Variants in DECR1 observed in about 807,000 individuals in gnomAD.
DECR1 encodes 2,4-dienoyl-CoA reductase 1, also known as 2,4-dienoyl-CoA reductase [(3E)-enoyl-CoA-producing], mitochondrial.
Under a neutral mutation model 38.8 loss-of-function variants are expected in DECR1, and 44 were observed. That is an observed-to-expected ratio of 1.13 (90% CI 0.89 to 1.46). The LOEUF (loss-of-function observed/expected upper bound fraction) is 1.46. Ranked by LOEUF, DECR1 falls within the 40% of genes most tolerant of loss-of-function variation. The pLI, the probability that DECR1 is intolerant of heterozygous loss-of-function variation, is 0.00. For synonymous variants in DECR1, 148 were observed against 135.2 expected, an observed-to-expected ratio of 1.09 and a Z score of -0.66; for missense variants, 428 against 405.5, an observed-to-expected ratio of 1.06 and a Z score of -0.48.
At chr8:90,041,490 C>G (rs533530600) in intron 6 of DECR1, among the ~76,000 whole-genome samples, 114 of 152,244 alleles carry the variant, frequency 7.5e-4, no homozygotes, top group Non-Finnish European at 1.2e-3. Context: ...TTAATTAGAT[C>G]CCATTTGTCA....
intron 8 of DECR1, among the ~76,000 whole-genome samples, chr8:90,048,667 T>G (rs924660167): frequency 1.3e-5 from 2 of 152,140 alleles, no homozygotes; most frequent in African/African-American, 4.8e-5. Flanking sequence ...AAAGAGGTAA[T>G]CCTCCCTGAC....
intron 5 of DECR1, among the ~76,000 whole-genome samples, chr8:90,031,650 C>T (rs1275085203): frequency 6.6e-6 from 1 of 151,980 alleles, no homozygotes; most frequent in Non-Finnish European, 1.5e-5. Flanking sequence ...AAAAATGGCT[C>T]GGAGACAGGT....
At chr8:90,027,720 T>G (rs1813387153) in intron 5 of DECR1, among the ~76,000 whole-genome samples, 1 of 152,114 alleles carries the variant, frequency 6.6e-6, no homozygotes, top group Non-Finnish European at 1.5e-5. Flanking sequence ...CCATTTACAT[T>G]TAAGATTTAT....
At chr8:90,027,712 AT>A (rs1813386546) in intron 5 of DECR1, among the ~76,000 whole-genome samples, 1 of 151,738 alleles carries the variant, frequency 6.6e-6, no homozygotes, top group Non-Finnish European at 1.5e-5. Context: ...CATTTAGCCC[AT>A]TTACATTTAA....
chr8:90,024,080 G>A (rs1265385765), intron 5 of DECR1, among the ~76,000 whole-genome samples: 1 of 152,172 alleles, frequency 6.6e-6, no homozygotes, highest in Non-Finnish European at 1.5e-5. Context: ...GTATTCCATG[G>A]TGTATATGTG....
intron 7 of DECR1, among the ~76,000 whole-genome samples, chr8:90,043,708 C>G (rs1430048657): frequency 6.6e-6 from 1 of 152,164 alleles, no homozygotes; most frequent in Non-Finnish European, 1.5e-5. Context: ...ACAAAAACTT[C>G]CTGAGTGATT....
At chr8:90,003,956 G>T (rs1211071393) in intron 1 of DECR1, among the ~76,000 whole-genome samples, 2 of 151,740 alleles carry the variant, frequency 1.3e-5, no homozygotes, top group Admixed American at 6.6e-5. Flanking sequence ...ACAAAAAAAT[G>T]GAATAGAATA....
chr8:90,012,806 T>G (rs1812919051), intron 1 of DECR1, among the ~76,000 whole-genome samples: 1 of 152,234 alleles, frequency 6.6e-6, no homozygotes, highest in Non-Finnish European at 1.5e-5. Context: ...ATTTGCCTGT[T>G]TTTAATAGGG....
At chr8:90,031,972 A>T (rs1586155923) in intron 5 of DECR1, among the ~76,000 whole-genome samples, 1 of 152,162 alleles carries the variant, frequency 6.6e-6, no homozygotes, top group East Asian at 1.9e-4. Context: ...CTAGTCCCCC[A>T]TTGTGGGGAC....
intron 1 of DECR1, chr8:90,005,437 G>T (rs751933451): frequency 4.4e-6 from 2 of 456,034 alleles, no homozygotes; most frequent in Non-Finnish European, 8.8e-6. Flanking sequence ...AATAGCATCC[G>T]TTTTTTCCAG....
At position 90,027,327 on chromosome 8, in the gene DECR1, A is replaced by C. The variant is rs146702960; in HGVS notation, c.565+6271A>C. 6.7e-4 allele frequency among the ~76,000 whole-genome samples: 102 copies of C among 152,186 alleles called. 1 individual carries two copies. Among genetic ancestry groups the C allele is most frequent in the African/African-American group, 2.2e-3 (93 of 41,534 alleles). On this transcript the variant is annotated intron_variant, in intron 5 of 9. Transcript: ENST00000220764. ...GTCTAATGTTGACAGTGGGTTGTTA[A>C]AGTCTCCCATTATTATTGTGTGGGC...
At chr8:90,013,749 T>C (rs1812943782) in intron 1 of DECR1, among the ~76,000 whole-genome samples, 1 of 152,208 alleles carries the variant, frequency 6.6e-6, no homozygotes, top group Non-Finnish European at 1.5e-5. Flanking sequence ...TAATCTACTG[T>C]TATTTGAGAT....
At chr8:90,049,177 G>C (rs1370965091) in intron 8 of DECR1, among the ~76,000 whole-genome samples, 1 of 152,174 alleles carries the variant, frequency 6.6e-6, no homozygotes, top group Non-Finnish European at 1.5e-5. Flanking sequence ...GTTCTGGTCA[G>C]GGCAGTCAGG....
intron 2 of DECR1, 142 bp downstream of exon 2, chr8:90,017,468 T>C: frequency 1.9e-6 from 1 of 518,034 alleles, no homozygotes; most frequent in Non-Finnish European, 3.2e-6. Context: ...TTAGATTATT[T>C]AAATACATCT....
intron 6 of DECR1, 194 bp from the exon 7 acceptor site, chr8:90,042,534 T>C (rs1427828365): frequency 5.1e-6 from 3 of 583,882 alleles, no homozygotes; most frequent in Non-Finnish European, 9.2e-6. Flanking sequence ...AAATTGGCCA[T>C]ATGACATAGA....
intron 1 of DECR1, among the ~76,000 whole-genome samples, chr8:90,013,482 T>C (rs1812938061): frequency 7.2e-6 from 1 of 138,708 alleles, no homozygotes; most frequent in Admixed American, 8.1e-5. Flanking sequence ...CTCAGAGGCC[T>C]AAAGTCCTTG....
At chr8:90,031,212 C>T (rs1237527163) in intron 5 of DECR1, among the ~76,000 whole-genome samples, 1 of 152,036 alleles carries the variant, frequency 6.6e-6, no homozygotes, top group Non-Finnish European at 1.5e-5. Flanking sequence ...ATAAAGCCTT[C>T]CTCCTAGGAT....
At chr8:90,050,469 G>A (rs1045182570) in intron 8 of DECR1, among the ~76,000 whole-genome samples, 3 of 152,038 alleles carry the variant, frequency 2.0e-5, no homozygotes, top group East Asian at 1.9e-4. Context: ...CAAAACCACA[G>A]TGAGATACCA....
At position 90,051,853 on chromosome 8, in the gene DECR1, TG is replaced by T. The variant is rs750779359; in HGVS notation, c.967del (p.Asp323ThrfsTer3). 6.2e-7 allele frequency: 1 copy of T among 1,613,802 alleles called. No homozygotes were observed. The highest frequency in any genetic ancestry group is 1.1e-5 in the South Asian group (1 of 91,066). On this transcript the variant is annotated frameshift_variant, in exon 10 of 10. Transcript: ENST00000220764. LOFTEE classifies it high-confidence loss of function. ...NDLRKVTKEQ[W>X]DTIEELIRKT... ...TTTGTGTTAGGTCACCAAGGAGCAG[TG>T]GGACACCATAGAAGAACTCATCAGG...
Sources: gnomAD v4.1 joint callset for allele counts (sites outside exome capture counted in the v4.1 genomes callset) on GRCh38, gnomAD v4.1.1 for gene constraint, MANE v1.5 for transcripts, NCBI Gene and HGNC (gene_info 2026-07-23, HGNC 2026-07-21) for gene names.